RETREG3: variants seen among roughly 807,000 people sequenced by gnomAD.
RETREG3 encodes the protein reticulophagy regulator 3.
In RETREG3, 23 loss-of-function variants were observed where a neutral mutation model predicts 50.2. That is an observed-to-expected ratio of 0.46 (90% CI 0.33 to 0.65). RETREG3 has a LOEUF of 0.65. Among genes scored for constraint, RETREG3 ranks in the 30% least tolerant of loss-of-function variants. The probability of loss-of-function intolerance (pLI) is 0.02; values close to 1 mark genes in which losing one functional copy is unlikely to be tolerated. For missense variants in RETREG3, 546 were observed against 598.0 expected, an observed-to-expected ratio of 0.91 and a Z score of 0.91; for synonymous variants, 240 against 234.4, an observed-to-expected ratio of 1.02 and a Z score of -0.22.
At chr17:42,591,974 T>G (rs527758388) in intron 2 of RETREG3, 82 bp downstream of exon 2, 1 of 1,229,424 alleles carries the variant, frequency 8.1e-7, no homozygotes, top group South Asian at 1.4e-5. Flanking sequence ...ATACACCTCC[T>G]CATAAACCCC....
intron 1 of RETREG3, among the ~76,000 whole-genome samples, chr17:42,596,910 T>C (rs1191359957): frequency 6.6e-6 from 1 of 150,844 alleles, no homozygotes; most frequent in Non-Finnish European, 1.5e-5. Flanking sequence ...TCTGGCTTTG[T>C]CACCCAGGCT....
upstream of RETREG3, chr17:42,609,406 G>A: frequency 6.9e-7 from 1 of 1,451,832 alleles, no homozygotes; most frequent in African/African-American, 1.4e-5. Context: ...CGATTCGGCG[G>A]GGGAGGTGGC....
At chr17:42,601,146 G>C (rs759142937) in intron 1 of RETREG3, among the ~76,000 whole-genome samples, 1 of 152,104 alleles carries the variant, frequency 6.6e-6, no homozygotes, top group Non-Finnish European at 1.5e-5. Flanking sequence ...GCATGGTGGC[G>C]GGTGCCCGTA....
intron 3 of RETREG3, 92 bp from the exon 4 acceptor site, chr17:42,586,983 G>A (rs2093122693): frequency 1.3e-6 from 2 of 1,540,824 alleles, no homozygotes; most frequent in East Asian, 2.3e-5. Context: ...GGTTTTAAAT[G>A]GGGTTTGGGG....
At position 42,583,535 on chromosome 17, in the gene RETREG3, CTG is replaced by C; in HGVS notation, c.771_772del (p.His257GlnfsTer2). On this transcript the variant is annotated frameshift_variant, in exon 7 of 9. Transcript: ENST00000309428. LOFTEE classifies it high-confidence loss of function. ...GGCAGCAAGCTCCTCTTCGCTGTCA[CTG>C]TGGTTGTCCATGGCTCGTTCTGGGT... is the stretch of plus-strand genomic sequence containing the variant. 1 of 1,613,926 alleles carries C rather than the reference CTG, an allele frequency of 6.2e-7. No homozygotes were observed. The highest frequency in any genetic ancestry group is 8.5e-7 in the Non-Finnish European group (1 of 1,179,860).
chr17:42,586,808 A>T lies in RETREG3; in HGVS notation c.461T>A (p.Phe154Tyr), dbSNP rs1039381489. The change falls in exon 4 of 9, where the codon TTC becomes TAC. Residue 154 changes from phenylalanine to tyrosine, a missense_variant. Coordinates refer to ENST00000309428, the MANE Select transcript of RETREG3 (RefSeq NM_178126.4). ...VAEVWVSGTIFIRNVLLFKKQ... is the reference protein window; with the variant it reads ...VAEVWVSGTIYIRNVLLFKKQ... ...TTTGAAAAGCAAAACATTCCTTATG[A>T]AAATGGTCCCACTAACCCAGACTTC... is the stretch of plus-strand genomic sequence containing the variant. 1 of 1,613,964 alleles carries T rather than the reference A, an allele frequency of 6.2e-7. No individual in the cohort carries two copies. The highest frequency in any genetic ancestry group is 8.5e-7 in the Non-Finnish European group (1 of 1,179,980).
intron 3 of RETREG3, 117 bp from the exon 4 acceptor site, chr17:42,587,008 G>C: frequency 2.2e-6 from 3 of 1,381,770 alleles, no homozygotes; most frequent in Non-Finnish European, 3.0e-6. Flanking sequence ...ACTAGGCCCA[G>C]GTGCTTTGGA....
intron 1 of RETREG3, 127 bp from the exon 2 acceptor site, chr17:42,592,289 T>A: frequency 1.5e-6 from 1 of 665,124 alleles, no homozygotes; most frequent in Non-Finnish European, 2.5e-6. Context: ...TTCTGACACT[T>A]AACTAGTTAT....
At chr17:42,596,823 A>G (rs1482963895) in intron 1 of RETREG3, among the ~76,000 whole-genome samples, 1 of 151,620 alleles carries the variant, frequency 6.6e-6, no homozygotes, top group Non-Finnish European at 1.5e-5. Flanking sequence ...GGAGGGGTCA[A>G]CTCTAGTTCT....
chr17:42,587,859 T>A lies in RETREG3; in HGVS notation c.352A>T (p.Arg118Ter). The A allele has an allele frequency of 6.2e-7, 1 of 1,614,182 alleles. No individual in the cohort carries two copies. Among genetic ancestry groups the A allele is most frequent in the East Asian group, 2.2e-5 (1 of 44,880 alleles). The change falls in exon 3 of 9, where the codon AGA becomes TGA. Residue 118 changes from arginine to a stop codon, truncating the protein, a stop_gained. Transcript: ENST00000309428. LOFTEE classifies it high-confidence loss of function. ...NKIWPEIKVPRPDALDNESWG... is the reference protein window; with the variant it reads ...NKIWPEIKVP ...CTCTCATTGTCTAATGCGTCGGGTC[T>A]TGGCACTACAATATTAAAACAAACA...
intron 1 of RETREG3, among the ~76,000 whole-genome samples, chr17:42,601,341 G>A (rs2093158036): frequency 6.6e-6 from 1 of 151,590 alleles, no homozygotes; most frequent in Non-Finnish European, 1.5e-5. Context: ...GGGAGGCTGA[G>A]GCAGGCAGAT....
intron 2 of RETREG3, among the ~76,000 whole-genome samples, chr17:42,588,363 A>G (rs1426163304): frequency 6.6e-6 from 1 of 151,302 alleles, no homozygotes; most frequent in African/African-American, 2.4e-5. Flanking sequence ...CTTCTGCCTC[A>G]GCCTCCTGAG....
intron 1 of RETREG3, among the ~76,000 whole-genome samples, chr17:42,596,289 G>A (rs894103159): frequency 1.5e-5 from 2 of 133,074 alleles, no homozygotes; most frequent in Non-Finnish European, 3.1e-5. Flanking sequence ...AGCCTGAAAG[G>A]TTGAGGCCCC....
chr17:42,593,067 G>A (rs2093136271), intron 1 of RETREG3, among the ~76,000 whole-genome samples: 1 of 152,034 alleles, frequency 6.6e-6, no homozygotes. Flanking sequence ...CCAAAAAAAG[G>A]AAACACTTCT....
At chr17:42,593,796 G>A (rs1332103519) in intron 1 of RETREG3, among the ~76,000 whole-genome samples, 1 of 152,080 alleles carries the variant, frequency 6.6e-6, no homozygotes, top group African/African-American at 2.4e-5. Context: ...TATTAAATGA[G>A]GAAATTCAGA....
chr17:42,594,934 T>C (rs1240428081), intron 1 of RETREG3, among the ~76,000 whole-genome samples: 3 of 151,862 alleles, frequency 2.0e-5, no homozygotes, highest in Non-Finnish European at 4.4e-5. Context: ...TAAGGAACTT[T>C]ACGTTTTGTT....
intron 1 of RETREG3, among the ~76,000 whole-genome samples, chr17:42,603,976 CAA>C (rs771641680): frequency 1.1e-4 from 12 of 111,890 alleles, no homozygotes; most frequent in Non-Finnish European, 1.7e-4. Flanking sequence ...GACTCCGTCT[CAA>C]AAAAAAAAAA....
Position 42,609,122 on chromosome 17 carries a change from C to T in RETREG3, c.203G>A (p.Ser68Asn). The part of the protein sequence containing the change: ...AALVWERPAR[S>N]ALWCLGLNAA... Reference sequence around the variant, plus strand: ...GTTCAGCCCCAGGCACCACAGAGCGCTCCTAGCTGGCCGCTCCCACACCAG... The same window carrying T: ...GTTCAGCCCCAGGCACCACAGAGCGTTCCTAGCTGGCCGCTCCCACACCAG... Residue 68 changes from serine (S) to asparagine (N), a missense_variant, in exon 1 of 9, where the codon AGC (serine) becomes AAC (asparagine). Ser to Asn is a conservative substitution (Grantham distance 46). Transcript: ENST00000309428. The T allele has an allele frequency of 2.5e-6, 4 of 1,608,812 alleles. No individual in the cohort carries two copies. The highest frequency in any genetic ancestry group is 3.4e-6 in the Non-Finnish European group (4 of 1,179,894).
rs554792084 is a variant in RETREG3, at chr17:42,593,642, C to T, written c.240-1480G>A. On this transcript the variant is annotated intron_variant, in intron 1 of 8. Transcript: ENST00000309428. ...CAGCCTGGGCGACAGAGCAAGACTC[C>T]GTCTCAAAAAAAAAAAAAAAAAAAA... Among the ~76,000 whole-genome samples the T allele has an allele frequency of 1.1e-3, 136 of 125,634 alleles. 5 individuals carry two copies. In the South Asian group the frequency reaches 0.031, roughly 28 times the overall value. 82.4% of individuals were successfully genotyped at this position (125,634 alleles called of 152,430 possible). A position where few individuals can be genotyped will look rare whatever the true frequency, so the allele number is the denominator to read the frequency against.
Sources: allele counts gnomAD v4.1 joint callset (sites outside exome capture counted in the v4.1 genomes callset), GRCh38; gene constraint gnomAD v4.1.1; transcripts MANE v1.5; gene names NCBI Gene and HGNC (gene_info 2026-07-23, HGNC 2026-07-21).